The following GRHL3 variants were observed in gnomAD, a reference collection of about 807,000 sequenced individuals.
GRHL3 encodes the protein grainyhead like transcription factor 3, also known as grainyhead-like protein 3 homolog.
In GRHL3, 20 loss-of-function variants were observed where a neutral mutation model predicts 70.3. The ratio of observed to expected loss-of-function variants is 0.28; its 90% CI spans 0.20 to 0.41. GRHL3 has a LOEUF of 0.41. Among genes scored for constraint, GRHL3 ranks in the 10% least tolerant of loss-of-function variants. The pLI is 1.00. For synonymous variants in GRHL3, 299 were observed against 299.9 expected, an observed-to-expected ratio of 1.00 and a Z score of 0.03; for missense variants, 637 against 762.3, an observed-to-expected ratio of 0.84 and a Z score of 1.94.
intron 12 of GRHL3, among the ~76,000 whole-genome samples, chr1:24,345,858 G>A (rs1042492513): frequency 3.9e-5 from 6 of 152,218 alleles, no homozygotes; most frequent in African/African-American, 1.4e-4. Context: ...TCGTAAGTGG[G>A]AAAGCACTTT....
At chr1:24,364,476 T>C (rs2148680130) in exon 16 of GRHL3, 3 of 1,393,164 alleles carry the variant, frequency 2.2e-6, no homozygotes, top group Non-Finnish European at 2.8e-6. Context: ...TTACTTTGCA[T>C]TTAAAATGTT....
chr1:24,339,788 A>AG, intron 8 of GRHL3, 26 bp downstream of exon 8: 1 of 1,520,480 alleles, frequency 6.6e-7, no homozygotes, highest in Non-Finnish European at 9.1e-7. Context: ...AGTGGCTGGG[A>AG]TGGGACTGGG....
At chr1:24,323,226 A>T in intron 1 of GRHL3, 2 of 716,900 alleles carry the variant, frequency 2.8e-6, no homozygotes, top group Non-Finnish European at 5.0e-6. Flanking sequence ...CACCTAGAAC[A>T]GTGTTCTCAA....
intron 5 of GRHL3, among the ~76,000 whole-genome samples, 166 bp downstream of exon 5, chr1:24,337,317 C>T (rs777621819): frequency 2.0e-5 from 3 of 152,174 alleles, no homozygotes; most frequent in South Asian, 2.1e-4. Context: ...ATCCTGTCCC[C>T]GGGCTGTGAT....
At chr1:24,346,230 C>T (rs545450523) in intron 12 of GRHL3, among the ~76,000 whole-genome samples, 1 of 152,036 alleles carries the variant, frequency 6.6e-6, no homozygotes, top group African/African-American at 2.4e-5. Context: ...GTGTTCTAAG[C>T]GCAGTGAGCA....
At chr1:24,346,738 C>T (rs918539077) in intron 13 of GRHL3, 97 bp downstream of exon 13, 17 of 887,958 alleles carry the variant, frequency 1.9e-5, no homozygotes, top group South Asian at 7.4e-5. Flanking sequence ...GGGCACGAGG[C>T]GCTGCCTTAC....
intron 1 of GRHL3, among the ~76,000 whole-genome samples, chr1:24,326,753 T>C (rs1398261351): frequency 6.6e-6 from 1 of 152,116 alleles, no homozygotes; most frequent in East Asian, 1.9e-4. Context: ...AAAGTAGTAG[T>C]TTTTTCCCTC....
intron 15 of GRHL3, among the ~76,000 whole-genome samples, chr1:24,350,756 G>A (rs963261457): frequency 7.9e-5 from 12 of 152,210 alleles, no homozygotes; most frequent in South Asian, 4.1e-4. Flanking sequence ...TGCTCCACAG[G>A]CCTCCTCCAT....
At chr1:24,340,691 C>T (rs920565872) in intron 8 of GRHL3, among the ~76,000 whole-genome samples, 2 of 152,144 alleles carry the variant, frequency 1.3e-5, no homozygotes. Context: ...GGAGCTAACC[C>T]CTGCCTCCCT....
chr1:24,344,733 G>A (rs1640177378), intron 11 of GRHL3, among the ~76,000 whole-genome samples, 164 bp from the exon 12 acceptor site: 1 of 151,918 alleles, frequency 6.6e-6, no homozygotes, highest in Non-Finnish European at 1.5e-5. Context: ...AACATCTCAG[G>A]TCACTTAAGG....
Position 24,342,014 on chromosome 1 carries a change from A to G in GRHL3, c.1048-101A>G. ...AGGGGCCTAGTGAGGCTTAAGGGTG[A>G]GCAGCAGGCACACAGAAAGCTAGAA... On this transcript the variant is annotated intron_variant, in intron 8 of 15. Coordinates refer to ENST00000361548, the MANE Select transcript of GRHL3 (RefSeq NM_198173.3). This position sits in a 1 kb window ranked among gnomAD's most constrained non-coding sequence, Gnocchi z 4.8. 3 of 1,133,910 alleles carry G rather than the reference A, an allele frequency of 2.6e-6. No individual in the cohort carries two copies. Among genetic ancestry groups the G allele is most frequent in the South Asian group, 3.4e-5 (2 of 58,054 alleles). The allele number at this position is 1,133,910 out of a possible 1,614,324, so 70.2% of individuals were successfully genotyped here.
chr1:24,322,595 G>A lies in GRHL3; in HGVS notation c.17+3027G>A, dbSNP rs189483612. Reference sequence around the variant, plus strand: ...GAGCCAACCCTAACGGCGGCGGCCCGGGCGGCGCGGGGGTCCTGCGGCTCC... The same window carrying A: ...GAGCCAACCCTAACGGCGGCGGCCCAGGCGGCGCGGGGGTCCTGCGGCTCC... On this transcript the variant is annotated intron_variant, in intron 1 of 15. Coordinates refer to ENST00000361548, the MANE Select transcript of GRHL3 (RefSeq NM_198173.3). The surrounding 1 kb of genome is among the most constrained non-coding windows in gnomAD (Gnocchi z 4.4). Among the ~76,000 whole-genome samples, 731 of 152,176 alleles carry A rather than the reference G, an allele frequency of 4.8e-3. 4 individuals are homozygous for A. The highest frequency in any genetic ancestry group is 0.017 in the African/African-American group (691 of 41,574).
intron 14 of GRHL3, among the ~76,000 whole-genome samples, chr1:24,348,215 G>A (rs139829459): frequency 0.016 from 2,394 of 152,352 alleles, 34 homozygotes; most frequent in African/African-American, 0.036. Flanking sequence ...GCTGACCTTT[G>A]TTGAAGGCCC....
downstream of GRHL3, chr1:24,358,574 T>C (rs1185210553): frequency 2.5e-6 from 4 of 1,614,006 alleles, no homozygotes; most frequent in Admixed American, 5.0e-5. Context: ...CTTGTCCTCG[T>C]TGTAGAGGAA....
Position 24,331,414 on chromosome 1 carries a change from A to T in GRHL3, c.18-12A>T. ...GGATAGCCTAAATTTGACTCTCCTT[A>T]CTTGCATTCAGTTTCAGGTCTGTGC... is the stretch of plus-strand genomic sequence containing the variant. On this transcript the variant is annotated splice_polypyrimidine_tract_variant and intron_variant, in intron 1 of 15. Transcript: ENST00000361548. 5.0e-6 allele frequency: 8 copies of T among 1,601,852 alleles called. No homozygotes were observed. The highest frequency in any genetic ancestry group is 6.8e-6 in the Non-Finnish European group (8 of 1,172,088).
chr1:24,326,508 C>CATAGTTTCTTCATAGTT (rs1436099118), intron 1 of GRHL3, among the ~76,000 whole-genome samples: 1 of 151,946 alleles, frequency 6.6e-6, no homozygotes, highest in East Asian at 1.9e-4. Context: ...CTTCATAGCT[C>CATAGTTTCTTCATAGTT]TCTTCACCCA....
At chr1:24,336,438 AC>A (rs1639815100) in intron 3 of GRHL3, 43 bp from the exon 4 acceptor site, 9 of 1,354,858 alleles carry the variant, frequency 6.6e-6, no homozygotes, top group South Asian at 1.4e-5. Context: ...ACCCCCCTTT[AC>A]CCCCAGAGAG....
rs1302360006 is a variant in GRHL3, at chr1:24,322,180, T to C, written c.17+2612T>C. 6.6e-6 allele frequency among the ~76,000 whole-genome samples: 1 copy of C among 152,106 alleles called. No individual in the cohort carries two copies. The highest frequency in any genetic ancestry group is 1.5e-5 in the Non-Finnish European group (1 of 67,988). Reference sequence around the variant, plus strand: ...AAAGGGGCTTGGCACACAGTAGGTCTAAGGCACCGAGGCAGGAGCGTCCCC... The same window carrying C: ...AAAGGGGCTTGGCACACAGTAGGTCCAAGGCACCGAGGCAGGAGCGTCCCC... On this transcript the variant is annotated intron_variant, in intron 1 of 15. Transcript: ENST00000361548. The surrounding 1 kb of genome is among the most constrained non-coding windows in gnomAD (Gnocchi z 4.4).
chr1:24,323,737 C>A (rs2148645435), intron 1 of GRHL3, among the ~76,000 whole-genome samples: 1 of 152,194 alleles, frequency 6.6e-6, no homozygotes, highest in East Asian at 1.9e-4. Flanking sequence ...CTCAGCTTTC[C>A]TATCTAAAAT....
Sources: gnomAD v4.1 joint callset for allele counts (sites outside exome capture counted in the v4.1 genomes callset) on GRCh38, gnomAD v4.1.1 for gene constraint, Gnocchi (gnomAD v3.1) non-coding constraint, MANE v1.5 for transcripts, NCBI Gene and HGNC (gene_info 2026-07-23, HGNC 2026-07-21) for gene names.